COPG2: variants seen among roughly 807,000 people sequenced by gnomAD.
The protein encoded by COPG2 is coat protein complex I subunit gamma 2.
Under a neutral mutation model 46.3 loss-of-function variants are expected in COPG2, and 37 were observed. The ratio of observed to expected loss-of-function variants is 0.80; its 90% CI spans 0.61 to 1.05. The LOEUF is 1.05. Among genes scored for constraint, COPG2 ranks in the 50% least tolerant of loss-of-function variants. The pLI is 0.00. For synonymous variants in COPG2, 159 were observed against 129.7 expected, an observed-to-expected ratio of 1.23 and a Z score of -1.53; for missense variants, 427 against 387.8, an observed-to-expected ratio of 1.10 and a Z score of -0.85.
chr7:130,640,547 T>C (rs2116199627), intron 5 of COPG2, among the ~76,000 whole-genome samples: 1 of 152,286 alleles, frequency 6.6e-6, no homozygotes, highest in Admixed American at 6.5e-5. Flanking sequence ...TATTCACTGT[T>C]GTTCATTTCA....
intron 9 of COPG2, among the ~76,000 whole-genome samples, chr7:130,589,188 T>C (rs1053376289): frequency 4.6e-5 from 7 of 152,218 alleles, no homozygotes; most frequent in Admixed American, 1.3e-4. Context: ...ATTGAAATAT[T>C]TGTATATGTT....
chr7:130,606,223 A>G (rs963754544), intron 9 of COPG2, among the ~76,000 whole-genome samples: 3 of 149,882 alleles, frequency 2.0e-5, no homozygotes, highest in African/African-American at 7.4e-5. Context: ...AAGACTTTAA[A>G]ATAAATAAAA....
chr7:130,506,318 TCCCCCCCA>T lies in COPG2; in HGVS notation c.*350_*357del, dbSNP rs1290932008. On this transcript the variant is annotated 3_prime_UTR_variant, in exon 24 of 24. Coordinates refer to ENST00000425248, the MANE Select transcript of COPG2 (RefSeq NM_012133.6). ...GTGGACTCTGGCTTCCCCTCCCCCC[TCCCCCCCA>T]CCCCTCTGGGATAAAAATTTTCCAG... 6 of 26,344 alleles carry T rather than the reference TCCCCCCCA, an allele frequency of 2.3e-4. No individual in the cohort carries two copies. The highest frequency in any genetic ancestry group is 4.0e-4 in the Non-Finnish European group (5 of 12,644). The allele number at this position is 26,344 out of a possible 1,614,324, so 1.6% of individuals were successfully genotyped here. A position where few individuals can be genotyped will look rare whatever the true frequency, so the allele number is the denominator to read the frequency against.
chr7:130,657,966 T>C (rs2116252370), intron 4 of COPG2, among the ~76,000 whole-genome samples: 1 of 152,284 alleles, frequency 6.6e-6, no homozygotes, highest in Admixed American at 6.5e-5. Context: ...ACAAATATTT[T>C]AGAAAAATGG....
Position 130,666,862 on chromosome 7 carries a change from TA to T in COPG2, c.157del (p.Tyr53ThrfsTer3). 1 of 1,491,804 alleles carries T rather than the reference TA, an allele frequency of 6.7e-7. No homozygotes were observed. The highest frequency in any genetic ancestry group is 9.3e-7 in the Non-Finnish European group (1 of 1,077,926). The allele number at this position is 1,491,804 out of a possible 1,614,324, so 92.4% of individuals were successfully genotyped here. The part of the protein sequence containing the change: ...RCLHILTKIL[Y>X]LLNQGEHFGT... ...AAAATAATATACCTGGTTCAGTAAG[TA>T]AAGAATCTTTGTAAGAATATGCAAA... On this transcript the variant is annotated frameshift_variant, in exon 3 of 24. Coordinates refer to ENST00000425248, the MANE Select transcript of COPG2 (RefSeq NM_012133.6). LOFTEE classifies it high-confidence loss of function.
At chr7:130,565,229 C>T (rs892254448) in intron 9 of COPG2, among the ~76,000 whole-genome samples, 6 of 152,182 alleles carry the variant, frequency 3.9e-5, no homozygotes, top group Non-Finnish European at 8.8e-5. Context: ...TGTGAACTCC[C>T]GGGGCATGGA....
intron 20 of COPG2, among the ~76,000 whole-genome samples, chr7:130,540,543 C>G (rs999313466): frequency 1.3e-5 from 2 of 152,134 alleles, no homozygotes; most frequent in African/African-American, 2.4e-5. Context: ...ATTAAAAGAA[C>G]AAGTTTCCAA....
At position 130,666,769 on chromosome 7, in the gene COPG2, C is replaced by T; in HGVS notation, c.171+80G>A. 4.4e-6 allele frequency: 3 copies of T among 680,700 alleles called. 1 individual carries two copies. In the South Asian group the frequency reaches 5.4e-5, roughly 12 times the overall value. The allele number at this position is 680,700 out of a possible 1,614,324, so 42.2% of individuals were successfully genotyped here. ...AGTGAATTTAAAATAAATAAATATA[C>T]TTTCCAGAAAGTATTTCACTGAATC... is the stretch of plus-strand genomic sequence containing the variant. On this transcript the variant is annotated intron_variant, in intron 3 of 23. Transcript: ENST00000425248.
At chr7:130,620,465 G>A (rs1554453469) in intron 5 of COPG2, among the ~76,000 whole-genome samples, 1 of 151,970 alleles carries the variant, frequency 6.6e-6, no homozygotes, top group East Asian at 1.9e-4. Flanking sequence ...GGTGCCACAG[G>A]GACTATTCCC....
chr7:130,606,189 G>A (rs1794724492), intron 9 of COPG2, among the ~76,000 whole-genome samples: 1 of 150,950 alleles, frequency 6.6e-6, no homozygotes, highest in African/African-American at 2.4e-5. Context: ...CTGTGCCACT[G>A]TACTCCAGCC....
chr7:130,606,588 T>C (rs996525008), intron 9 of COPG2, among the ~76,000 whole-genome samples: 2 of 152,176 alleles, frequency 1.3e-5, no homozygotes, highest in African/African-American at 2.4e-5. Context: ...AACGATGAAG[T>C]TGGATATTTA....
intron 4 of COPG2, among the ~76,000 whole-genome samples, chr7:130,654,891 T>C (rs1795819290): frequency 6.6e-6 from 1 of 152,116 alleles, no homozygotes; most frequent in Non-Finnish European, 1.5e-5. Flanking sequence ...CCATGCAGTG[T>C]AGTTTTCATT....
At chr7:130,652,130 T>C (rs782625554) in intron 5 of COPG2, among the ~76,000 whole-genome samples, 2 of 152,230 alleles carry the variant, frequency 1.3e-5, no homozygotes, top group Non-Finnish European at 2.9e-5. Flanking sequence ...ACACGTAAGT[T>C]GTTTGTCCTT....
At chr7:130,569,988 T>C (rs973069174) in intron 9 of COPG2, among the ~76,000 whole-genome samples, 44 of 152,194 alleles carry the variant, frequency 2.9e-4, no homozygotes, top group Non-Finnish European at 5.4e-4. Context: ...CAAAAAAGCA[T>C]TTGACAAAAT....
At chr7:130,578,582 A>C (rs1182555087) in intron 9 of COPG2, among the ~76,000 whole-genome samples, 3 of 151,636 alleles carry the variant, frequency 2.0e-5, no homozygotes, top group African/African-American at 7.3e-5. Flanking sequence ...CCAAAGGCAA[A>C]GAAGTTGAAA....
chr7:130,582,832 A>G (rs1370974010), intron 9 of COPG2, among the ~76,000 whole-genome samples: 1 of 151,904 alleles, frequency 6.6e-6, no homozygotes, highest in Non-Finnish European at 1.5e-5. Flanking sequence ...GGCAATCATT[A>G]AAAAGTCAGG....
intron 9 of COPG2, among the ~76,000 whole-genome samples, chr7:130,606,311 AAG>A (rs1240015743): frequency 2.0e-5 from 3 of 152,000 alleles, no homozygotes; most frequent in Middle Eastern, 6.8e-3. Flanking sequence ...AAAAGAAAGA[AAG>A]AGAAAAGAAA....
chr7:130,626,442 G>A (rs1795121527), intron 5 of COPG2, among the ~76,000 whole-genome samples: 2 of 142,666 alleles, frequency 1.4e-5, no homozygotes, highest in African/African-American at 2.6e-5. Context: ...GTAGAGACAG[G>A]ATTTCACTTT....
At chr7:130,659,197 T>C (rs567107995) in intron 4 of COPG2, among the ~76,000 whole-genome samples, 2 of 151,146 alleles carry the variant, frequency 1.3e-5, no homozygotes, top group East Asian at 2.0e-4. Flanking sequence ...CTACTAAAAA[T>C]ACAAAAAATT....
Sources: gnomAD v4.1 joint callset for allele counts (sites outside exome capture counted in the v4.1 genomes callset) on GRCh38, gnomAD v4.1.1 for gene constraint, MANE v1.5 for transcripts, NCBI Gene and HGNC (gene_info 2026-07-23, HGNC 2026-07-21) for gene names.